ARL15: variants seen among roughly 807,000 people sequenced by gnomAD.
ARL15 encodes ADP-ribosylation factor-like protein 15.
In ARL15, 19 loss-of-function variants were observed where a neutral mutation model predicts 25.2. The ratio of observed to expected loss-of-function variants is 0.75; its 90% CI spans 0.53 to 1.10. The LOEUF (loss-of-function observed/expected upper bound fraction) is 1.10. ARL15 is among the 50% of genes least tolerant of loss of function. The pLI is 0.00. For missense variants in ARL15, 220 were observed against 246.0 expected, an observed-to-expected ratio of 0.89 and a Z score of 0.71; for synonymous variants, 94 against 86.8, an observed-to-expected ratio of 1.08 and a Z score of -0.46.
At chr5:54,218,985 G>GTT (rs61665897) in intron 1 of ARL15, among the ~76,000 whole-genome samples, 2 of 147,032 alleles carry the variant, frequency 1.4e-5, no homozygotes, top group African/African-American at 2.5e-5. Context: ...TGCTACTGCT[G>GTT]TTTTTTTTTT....
intron 1 of ARL15, among the ~76,000 whole-genome samples, chr5:54,202,581 C>T (rs1357824038): frequency 6.6e-6 from 1 of 152,046 alleles, no homozygotes; most frequent in Non-Finnish European, 1.5e-5. Flanking sequence ...CCTGGTGAGA[C>T]CCATTTTGAA....
At chr5:54,039,238 G>T (rs1374052947) in intron 4 of ARL15, among the ~76,000 whole-genome samples, 2 of 152,010 alleles carry the variant, frequency 1.3e-5, no homozygotes, top group African/African-American at 4.8e-5. Flanking sequence ...GTCTTTAGAA[G>T]TTCACACTTT....
At chr5:54,016,167 T>G (rs571507664) in intron 4 of ARL15, among the ~76,000 whole-genome samples, 1 of 152,306 alleles carries the variant, frequency 6.6e-6, no homozygotes, top group Non-Finnish European at 1.5e-5. Flanking sequence ...AGTTCATGTC[T>G]TAGGCTTGGT....
intron 4 of ARL15, among the ~76,000 whole-genome samples, chr5:54,010,224 A>G (rs1749187149): frequency 6.6e-6 from 1 of 152,230 alleles, no homozygotes; most frequent in African/African-American, 2.4e-5. Flanking sequence ...CAATCCATGC[A>G]TAGTAGTAAC....
At chr5:53,993,502 C>G (rs1748573837) in intron 4 of ARL15, among the ~76,000 whole-genome samples, 1 of 152,166 alleles carries the variant, frequency 6.6e-6, no homozygotes, top group South Asian at 2.1e-4. Context: ...AATCATCTCA[C>G]AATTTCCTTT....
At chr5:54,081,042 A>C (rs1751783334) in intron 4 of ARL15, among the ~76,000 whole-genome samples, 1 of 152,056 alleles carries the variant, frequency 6.6e-6, no homozygotes. Flanking sequence ...TACCCTTATG[A>C]CCTCATTTAG....
intron 4 of ARL15, among the ~76,000 whole-genome samples, chr5:54,008,580 G>C (rs941721469): frequency 6.6e-6 from 1 of 152,078 alleles, no homozygotes; most frequent in Non-Finnish European, 1.5e-5. Context: ...ACACTGGCTT[G>C]TTTACTTATT....
intron 4 of ARL15, among the ~76,000 whole-genome samples, chr5:53,960,216 TG>T (rs1272692448): frequency 6.6e-6 from 1 of 152,200 alleles, no homozygotes; most frequent in East Asian, 1.9e-4. Context: ...TCTCACAAGC[TG>T]AAGCAATCTA....
chr5:53,886,397 C>G lies in ARL15; in HGVS notation c.*164G>C. On this transcript the variant is annotated 3_prime_UTR_variant, in exon 5 of 5. Coordinates refer to ENST00000504924, the MANE Select transcript of ARL15 (RefSeq NM_019087.3). ...GACGTTAATGCCGATGATAATTCAT[C>G]TGATCTACAGAATATTCACTTTAAT... 3 of 708,932 alleles carry G rather than the reference C, an allele frequency of 4.2e-6. No homozygotes were observed. Among genetic ancestry groups the G allele is most frequent in the East Asian group, 2.8e-5 (1 of 35,870 alleles). The allele number at this position is 708,932 out of a possible 1,614,324, so 43.9% of individuals were successfully genotyped here.
intron 1 of ARL15, among the ~76,000 whole-genome samples, chr5:54,213,288 A>G (rs1187871232): frequency 6.6e-6 from 1 of 152,232 alleles, no homozygotes; most frequent in Non-Finnish European, 1.5e-5. Context: ...ACTGTTTCTT[A>G]CAACAAACTT....
chr5:54,194,415 C>T (rs557565991), intron 1 of ARL15, among the ~76,000 whole-genome samples: 10 of 152,190 alleles, frequency 6.6e-5, no homozygotes, highest in Non-Finnish European at 1.2e-4. Context: ...AACCTCCATA[C>T]GGCCTCACCA....
chr5:53,962,225 A>G (rs534642143), intron 4 of ARL15, among the ~76,000 whole-genome samples: 5 of 152,292 alleles, frequency 3.3e-5, no homozygotes, highest in Non-Finnish European at 5.9e-5. Flanking sequence ...TATCCATAAT[A>G]CTTTTAATCA....
rs201427491 is a variant in ARL15 at position 53,999,193 on chromosome 5, GT to G, written c.463-112481del. Among the ~76,000 whole-genome samples the G allele has an allele frequency of 3.1e-3, 465 of 152,278 alleles. 5 individuals carry two copies. In the East Asian group the frequency reaches 0.032, roughly 11 times the overall value. On this transcript the variant is annotated intron_variant, in intron 4 of 4. Transcript: ENST00000504924. Reference sequence around the variant, plus strand: ...GGAATAGAGAGGAAAAGAAAACTGAGTGAAGAAGACAGTGAAAGGAAATGTA... The same window carrying G: ...GGAATAGAGAGGAAAAGAAAACTGAGGAAGAAGACAGTGAAAGGAAATGTA...
intron 4 of ARL15, among the ~76,000 whole-genome samples, chr5:53,963,848 C>T (rs1037905373): frequency 7.4e-6 from 1 of 134,270 alleles, no homozygotes; most frequent in East Asian, 2.2e-4. Flanking sequence ...CACACACACA[C>T]ATACACAGAG....
At chr5:54,261,913 G>A (rs1757506209) in intron 1 of ARL15, among the ~76,000 whole-genome samples, 1 of 152,156 alleles carries the variant, frequency 6.6e-6, no homozygotes, top group South Asian at 2.1e-4. Flanking sequence ...AGAGGATAAT[G>A]TGCTAAGTTA....
At chr5:54,307,139 G>C (rs1262521592) in intron 1 of ARL15, among the ~76,000 whole-genome samples, 1 of 152,170 alleles carries the variant, frequency 6.6e-6, no homozygotes, top group Admixed American at 6.5e-5. Flanking sequence ...AAGGGGAAAA[G>C]TTGTGTGCCC....
intron 4 of ARL15, among the ~76,000 whole-genome samples, chr5:54,001,902 G>A (rs557601945): frequency 3.3e-5 from 5 of 152,252 alleles, no homozygotes; most frequent in East Asian, 1.9e-4. Flanking sequence ...CTAGATTCTC[G>A]TGTTGGCCCA....
intron 4 of ARL15, among the ~76,000 whole-genome samples, chr5:54,054,223 G>A (rs974865969): frequency 3.3e-5 from 5 of 151,984 alleles, no homozygotes; most frequent in Non-Finnish European, 5.9e-5. Flanking sequence ...ATCTTTCCTC[G>A]TTTTAGCACA....
At chr5:53,886,817 A>ATACG (rs1199896192) in intron 4 of ARL15, 104 bp from the exon 5 acceptor site, 23 of 1,094,786 alleles carry the variant, frequency 2.1e-5, no homozygotes, top group Admixed American at 2.7e-5. Context: ...GGCGGAATTT[A>ATACG]TACGAACTGT....
Sources: allele counts gnomAD v4.1 joint callset (sites outside exome capture counted in the v4.1 genomes callset), GRCh38; gene constraint gnomAD v4.1.1; transcripts MANE v1.5; gene names NCBI Gene and HGNC (gene_info 2026-07-23, HGNC 2026-07-21).